The following ICA1L variants were observed in gnomAD, a reference collection of about 807,000 sequenced individuals.
ICA1L encodes islet cell autoantigen 1 like.
A neutral mutation model predicts 61.3 loss-of-function variants in ICA1L; 50 were observed. The observed-to-expected ratio is 0.82, with a 90% confidence interval of 0.65 to 1.03. The LOEUF (loss-of-function observed/expected upper bound fraction) is 1.03, where lower values mean the gene tolerates loss of function less well. Among genes scored for constraint, ICA1L ranks in the 50% least tolerant of loss-of-function variants. ICA1L has a pLI of 0.00. For missense variants in ICA1L, 508 were observed against 556.7 expected (o/e 0.91, Z 0.88); for synonymous variants, 161 against 191.3 (o/e 0.84, Z 1.31).
At position 202,805,005 on chromosome 2, in the gene ICA1L, A is replaced by C. The variant is rs1461991634; in HGVS notation, c.910+6741T>G. On this transcript the variant is annotated intron_variant, in intron 9 of 12. Transcript: ENST00000358299. Reference sequence around the variant, plus strand: ...AAATACTATATATCAAAATGTATGGACCTTCATACAATGGATTCATTAATA... The same window carrying C: ...AAATACTATATATCAAAATGTATGGCCCTTCATACAATGGATTCATTAATA... Among the ~76,000 whole-genome samples, 3 of 152,330 alleles carry C rather than the reference A, an allele frequency of 2.0e-5. No homozygotes were observed. In the East Asian group the frequency reaches 5.8e-4, roughly 29 times the overall value.
chr2:202,863,500 C>G (rs1694975917), intron 1 of ICA1L, among the ~76,000 whole-genome samples: 1 of 151,612 alleles, frequency 6.6e-6, no homozygotes, highest in East Asian at 1.9e-4. Flanking sequence ...GACTGATCAA[C>G]AAAGAAAGAA....
At chr2:202,867,673 G>C (rs747334933) in intron 1 of ICA1L, among the ~76,000 whole-genome samples, 9 of 152,058 alleles carry the variant, frequency 5.9e-5, no homozygotes, top group Non-Finnish European at 1.3e-4. Flanking sequence ...AAACCACAAA[G>C]AGATATCAGC....
Position 202,777,009 on chromosome 2 carries a change from GAAA to G in ICA1L, c.*2521_*2523del, listed in dbSNP as rs1180944204. On this transcript the variant is annotated 3_prime_UTR_variant, in exon 13 of 13. Transcript: ENST00000358299. ...GCATTAGCAAGGTGACCACTACAAA[GAAA>G]AATGGTACAAACTCTCAAGACATAA... 2 of 129,024 alleles carry G rather than the reference GAAA, an allele frequency of 1.6e-5. No individual in the cohort carries two copies. Among genetic ancestry groups the G allele is most frequent in the African/African-American group, 5.9e-5 (2 of 34,126 alleles). 8.0% of individuals were successfully genotyped at this position (129,024 alleles called of 1,614,324 possible).
chr2:202,841,860 A>AT (rs138379846), intron 1 of ICA1L: 10,146 of 217,732 alleles, frequency 0.047, 175 homozygotes, highest in African/African-American at 0.097. Context: ...TTCTTGGTCT[A>AT]TTTTTTTTTT....
chr2:202,782,307 T>TG (rs1211192942), intron 12 of ICA1L, among the ~76,000 whole-genome samples: 1 of 152,096 alleles, frequency 6.6e-6, no homozygotes, highest in African/African-American at 2.4e-5. Context: ...ATCATGCCAC[T>TG]GCACTCCAGC....
chr2:202,856,472 A>C (rs1694773844), intron 1 of ICA1L, among the ~76,000 whole-genome samples: 1 of 152,188 alleles, frequency 6.6e-6, no homozygotes, highest in African/African-American at 2.4e-5. Context: ...CTATTGATGG[A>C]ACATATCTCA....
At chr2:202,835,443 T>C (rs551331688) in intron 1 of ICA1L, among the ~76,000 whole-genome samples, 86 of 151,672 alleles carry the variant, frequency 5.7e-4, no homozygotes, top group Non-Finnish European at 1.0e-3. Flanking sequence ...TGACCTCAAG[T>C]GATCCTCCCA....
chr2:202,784,927 T>C (rs965704535), intron 12 of ICA1L, among the ~76,000 whole-genome samples: 1 of 151,968 alleles, frequency 6.6e-6, no homozygotes, highest in Non-Finnish European at 1.5e-5. Context: ...CTCTTAAAAA[T>C]GGTTAATATG....
chr2:202,838,531 T>G (rs1694215913), intron 1 of ICA1L, among the ~76,000 whole-genome samples: 1 of 152,226 alleles, frequency 6.6e-6, no homozygotes, highest in Non-Finnish European at 1.5e-5. Flanking sequence ...TATTAAAGTC[T>G]CCTATTATTG....
rs1692226051 is a variant in ICA1L at position 202,776,448 on chromosome 2, T to A, written c.*3085A>T. On this transcript the variant is annotated 3_prime_UTR_variant, in exon 13 of 13. Transcript: ENST00000358299. ...ATTGGTTAAGGATAATTAATTTACT[T>A]CTTATTGAATGGATTATCTAGATTG... 2.0e-5 allele frequency: 3 copies of A among 152,214 alleles called. No individual in the cohort carries two copies. In the South Asian group the frequency reaches 6.2e-4, roughly 32 times the overall value. The allele number at this position is 152,214 out of a possible 1,614,324, so 9.4% of individuals were successfully genotyped here. A position where few individuals can be genotyped will look rare whatever the true frequency, so the allele number is the denominator to read the frequency against.
At chr2:202,786,505 C>T (rs1373464134) in intron 11 of ICA1L, among the ~76,000 whole-genome samples, 4 of 151,926 alleles carry the variant, frequency 2.6e-5, no homozygotes, top group Non-Finnish European at 2.9e-5. Flanking sequence ...GCCGAGATTG[C>T]GCCACTGCAG....
rs968866615 is a variant in ICA1L at position 202,796,824 on chromosome 2, T to C, written c.985+66A>G. The C allele has an allele frequency of 7.2e-6, 7 of 968,028 alleles. No homozygotes were observed. In the African/African-American group the frequency reaches 1.2e-4, roughly 16 times the overall value. 60.0% of individuals were successfully genotyped at this position (968,028 alleles called of 1,614,324 possible). On this transcript the variant is annotated intron_variant, in intron 10 of 12. Coordinates refer to ENST00000358299, the MANE Select transcript of ICA1L (RefSeq NM_001288622.3). ...CAGACAGTTTCTAATGTTAAGGAAA[T>C]AAATGTTAAATAAAAATTGAAGAAT...
At chr2:202,833,916 G>A (rs1298956906) in intron 1 of ICA1L, among the ~76,000 whole-genome samples, 1 of 152,288 alleles carries the variant, frequency 6.6e-6, no homozygotes, top group East Asian at 1.9e-4. Flanking sequence ...CAGAGGCTGG[G>A]GGGAGGGGTA....
At chr2:202,791,601 C>A (rs1692752006) in intron 10 of ICA1L, among the ~76,000 whole-genome samples, 2 of 152,202 alleles carry the variant, frequency 1.3e-5, no homozygotes, top group Non-Finnish European at 2.9e-5. Context: ...AATCCCAACA[C>A]TTTGGGAGGC....
chr2:202,846,227 C>T (rs1434895087), intron 1 of ICA1L, among the ~76,000 whole-genome samples: 1 of 151,592 alleles, frequency 6.6e-6, no homozygotes, highest in East Asian at 1.9e-4. Context: ...ACCAGTTATA[C>T]TTTTACCCTT....
rs2105843471 is a variant in ICA1L at position 202,811,688 on chromosome 2, T to TAA, written c.910+56_910+57dup. ...AAAAAAAAAAAAAAAAAGGCTGTGA[T>TAA]AAACTATTTTGACATTTAAAATGTG... On this transcript the variant is annotated intron_variant, in intron 9 of 12. Transcript: ENST00000358299. 6 of 984,086 alleles carry TAA rather than the reference T, an allele frequency of 6.1e-6. No individual in the cohort carries two copies. In the East Asian group the frequency reaches 1.5e-4, roughly 24 times the overall value. The allele number at this position is 984,086 out of a possible 1,614,324, so 61.0% of individuals were successfully genotyped here.
Position 202,777,714 on chromosome 2 carries a change from G to T in ICA1L, c.*1819C>A, listed in dbSNP as rs899404735. On this transcript the variant is annotated 3_prime_UTR_variant, in exon 13 of 13. Coordinates refer to ENST00000358299, the MANE Select transcript of ICA1L (RefSeq NM_001288622.3). Reference sequence around the variant, plus strand: ...GGAGAGCCTGTGGGCAGTTACTATTGTAGATGGCTATGGATGGGACATGGA... The same window carrying T: ...GGAGAGCCTGTGGGCAGTTACTATTTTAGATGGCTATGGATGGGACATGGA... The T allele has an allele frequency of 1.4e-4, 22 of 152,056 alleles. No individual in the cohort carries two copies. Among genetic ancestry groups the T allele is most frequent in the African/African-American group, 5.1e-4 (21 of 41,396 alleles). 9.4% of individuals were successfully genotyped at this position (152,056 alleles called of 1,614,324 possible).
rs371167227 is a variant in ICA1L, at chr2:202,794,422, T to A, written c.985+2468A>T. On this transcript the variant is annotated intron_variant, in intron 10 of 12. Coordinates refer to ENST00000358299, the MANE Select transcript of ICA1L (RefSeq NM_001288622.3). Reference sequence around the variant, plus strand: ...AAAGTAAGTATGGATGGATGCTTCCTTAACATCATGAAATTATCTGTGTCC... The same window carrying A: ...AAAGTAAGTATGGATGGATGCTTCCATAACATCATGAAATTATCTGTGTCC... Among the ~76,000 whole-genome samples the A allele has an allele frequency of 9.2e-5, 14 of 152,090 alleles. No homozygotes were observed. The East Asian group carries it at 2.5e-3, about 27-fold the overall frequency.
chr2:202,852,408 C>T (rs1173519447), intron 1 of ICA1L, among the ~76,000 whole-genome samples: 4 of 152,042 alleles, frequency 2.6e-5, no homozygotes, highest in African/African-American at 9.7e-5. Context: ...CGGTGGCTTA[C>T]ACCTGTAATC....
Sources: allele counts gnomAD v4.1 joint callset (sites outside exome capture counted in the v4.1 genomes callset), GRCh38; gene constraint gnomAD v4.1.1; transcripts MANE v1.5; gene names NCBI Gene and HGNC (gene_info 2026-07-23, HGNC 2026-07-21).